The following CUBN variants were observed in gnomAD, a reference collection of about 807,000 sequenced individuals.
CUBN encodes 460 kDa receptor.
Under a neutral mutation model 405.3 loss-of-function variants are expected in CUBN, and 282 were observed. The observed-to-expected ratio is 0.70, with a 90% CI of 0.63 to 0.77. The LOEUF is 0.77. CUBN is among the 30% of genes least tolerant of loss of function. CUBN has a pLI of 0.00. For missense variants in CUBN, 4,514 were observed against 4,475.2 expected (o/e 1.01, Z -0.25); for synonymous variants, 1,684 against 1,617.0 (o/e 1.04, Z -0.99).
intron 59 of CUBN, among the ~76,000 whole-genome samples, chr10:16,860,482 T>C (rs1839982525): frequency 6.6e-6 from 1 of 152,132 alleles, no homozygotes; most frequent in South Asian, 2.1e-4. Context: ...GGCTTCAAAA[T>C]AAAAAAGAGC....
In CUBN at chr10:16,869,551, T is replaced by TG. The variant is rs1840286402; in HGVS notation, c.9454+84dup. 5 of 817,934 alleles carry TG rather than the reference T, an allele frequency of 6.1e-6. No homozygotes were observed. In the African/African-American group the frequency reaches 1.6e-4, roughly 26 times the overall value. 50.7% of individuals were successfully genotyped at this position (817,934 alleles called of 1,614,324 possible). A position where few individuals can be genotyped will look rare whatever the true frequency, so the allele number is the denominator to read the frequency against. On this transcript the variant is annotated intron_variant, in intron 59 of 66. Coordinates refer to ENST00000377833, the MANE Select transcript of CUBN (RefSeq NM_001081.4). ...TCAAGGAAAAGCAATCATAATCAGGTGGGGGTGGGGGGGGGGCGGGGAAAT... is the reference window on the plus strand; with the variant it reads ...TCAAGGAAAAGCAATCATAATCAGGTGGGGGGTGGGGGGGGGGCGGGGAAAT...
chr10:16,900,514 G>A, intron 53 of CUBN, 111 bp downstream of exon 53: 1 of 858,438 alleles, frequency 1.2e-6, no homozygotes, highest in Non-Finnish European at 2.0e-6. Context: ...GATGACATGT[G>A]CAAATATTTA....
intron 31 of CUBN, among the ~76,000 whole-genome samples, chr10:16,963,142 C>T (rs1202293369): frequency 1.4e-5 from 2 of 148,142 alleles, no homozygotes; most frequent in Non-Finnish European, 3.0e-5. Flanking sequence ...TTTCTCATTT[C>T]GTTCCAGAAA....
At chr10:16,978,483 T>A (rs1303512754) in intron 31 of CUBN, among the ~76,000 whole-genome samples, 2 of 152,260 alleles carry the variant, frequency 1.3e-5, no homozygotes, top group African/African-American at 4.8e-5. Context: ...AAGACTCATT[T>A]GGATGGTTAA....
chr10:16,961,633 G>A (rs896556174), intron 31 of CUBN, among the ~76,000 whole-genome samples: 3 of 149,622 alleles, frequency 2.0e-5, no homozygotes, highest in Non-Finnish European at 4.4e-5. Flanking sequence ...TTATAAATAA[G>A]CATTATTTAA....
In CUBN at chr10:16,906,409, A is replaced by C; in HGVS notation, c.7706T>G (p.Val2569Gly). The C allele has an allele frequency of 6.2e-7, 1 of 1,607,782 alleles. No individual in the cohort carries two copies. Among genetic ancestry groups the C allele is most frequent in the Non-Finnish European group, 8.5e-7 (1 of 1,174,238 alleles). Residue 2569 changes from valine (V) to glycine (G), a missense_variant and splice_region_variant, in exon 50 of 67, where the codon GTG becomes GGG. Val to Gly is a moderately radical substitution (Grantham distance 109, BLOSUM62 -3). Transcript: ENST00000377833. ...TASYTSSEDA[V>G]CGGSLPNTPE... is the part of the protein sequence containing the mutation. ...AGTATTTGGAAGAGACCCACCACACACTAAGAAAACAGAAGGCAACAGAGA... is the reference window on the plus strand; with the variant it reads ...AGTATTTGGAAGAGACCCACCACACCCTAAGAAAACAGAAGGCAACAGAGA...
intron 31 of CUBN, among the ~76,000 whole-genome samples, chr10:16,976,224 A>C (rs931127498): frequency 2.0e-5 from 3 of 151,968 alleles, no homozygotes; most frequent in African/African-American, 7.3e-5. Context: ...CTCTTGCCTC[A>C]TGCTCCCAAA....
chr10:17,019,455 T>A (rs977995818), intron 28 of CUBN, among the ~76,000 whole-genome samples: 1 of 152,168 alleles, frequency 6.6e-6, no homozygotes, highest in African/African-American at 2.4e-5. Flanking sequence ...AACGTCAAGG[T>A]GAGCCTTAAG....
chr10:16,920,018 C>T lies in CUBN; in HGVS notation c.6766G>A (p.Glu2256Lys). ...DCIWILAAPP[E>K]TRIQLQFEDR... is the part of the protein sequence containing the mutation. Reference sequence around the variant, plus strand: ...TCAAATTGCAGCTGTATGCGTGTTTCCGGTGGAGCCGCTAAGATCCAAATG... The same window carrying T: ...TCAAATTGCAGCTGTATGCGTGTTTTCGGTGGAGCCGCTAAGATCCAAATG... The change falls in exon 44 of 67, where the codon GAA becomes AAA. Residue 2256 changes from glutamate (E) to lysine (K), a missense_variant. Glu to Lys is a moderately conservative substitution (Grantham distance 56). This residue lies in a region of CUBN where 1,613 missense variants were observed against 1,542.8 expected (regional missense o/e 1.05). Transcript: ENST00000377833. The T allele has an allele frequency of 6.2e-7, 1 of 1,613,918 alleles. No individual in the cohort carries two copies. Among genetic ancestry groups the T allele is most frequent in the Non-Finnish European group, 8.5e-7 (1 of 1,179,974 alleles).
chr10:16,947,143 G>T, intron 36 of CUBN, 92 bp downstream of exon 36: 3 of 1,333,388 alleles, frequency 2.2e-6, no homozygotes, highest in Non-Finnish European at 3.2e-6. Context: ...TAAATTTCAC[G>T]TACACTATGA....
intron 22 of CUBN, among the ~76,000 whole-genome samples, chr10:17,051,986 T>G (rs1014209920): frequency 3.9e-5 from 6 of 151,936 alleles, no homozygotes; most frequent in African/African-American, 1.5e-4. Flanking sequence ...AAACTACACT[T>G]GGACATGTCA....
intron 10 of CUBN, among the ~76,000 whole-genome samples, chr10:17,108,633 G>A (rs1223209080): frequency 6.6e-6 from 1 of 151,814 alleles, no homozygotes; most frequent in African/African-American, 2.4e-5. Flanking sequence ...AACCATAGAA[G>A]TATAAAAGAA....
chr10:17,128,541 C>T (rs1837250812), intron 2 of CUBN, among the ~76,000 whole-genome samples: 1 of 152,190 alleles, frequency 6.6e-6, no homozygotes, highest in South Asian at 2.1e-4. Context: ...TCCACATATC[C>T]TTGGTCCCCT....
intron 65 of CUBN, 87 bp from the exon 66 acceptor site, chr10:16,829,127 T>G: frequency 3.1e-6 from 3 of 952,598 alleles, no homozygotes; most frequent in African/African-American, 1.6e-5. Context: ...TTTATTTTCT[T>G]AAGGTGCTGA....
intron 15 of CUBN, among the ~76,000 whole-genome samples, chr10:17,087,466 C>CTTTTTCT (rs1462450149): frequency 2.5e-5 from 2 of 79,772 alleles, no homozygotes; most frequent in Non-Finnish European, 4.6e-5. Flanking sequence ...TATTATTTTT[C>CTTTTTCT]TTTTTCTTTT....
chr10:16,871,412 CTAAA>C (rs1193937838), intron 58 of CUBN, among the ~76,000 whole-genome samples: 21 of 149,088 alleles, frequency 1.4e-4, no homozygotes, highest in African/African-American at 5.1e-4. Context: ...AAAATATAGA[CTAAA>C]TAATATATAT....
At chr10:16,915,297 A>C in intron 46 of CUBN, 125 bp from the exon 47 acceptor site, 1 of 1,119,540 alleles carries the variant, frequency 8.9e-7, no homozygotes, top group Non-Finnish European at 1.3e-6. Context: ...AAGAAACGTT[A>C]ATCTCTGTCA....
intron 28 of CUBN, among the ~76,000 whole-genome samples, chr10:16,998,202 G>A (rs1253088540): frequency 6.6e-6 from 1 of 151,974 alleles, no homozygotes; most frequent in Non-Finnish European, 1.5e-5. Flanking sequence ...ACCTGTGACT[G>A]TGACCTTTTT....
At chr10:16,946,546 A>C (rs1588507436) in intron 36 of CUBN, among the ~76,000 whole-genome samples, 1 of 130,904 alleles carries the variant, frequency 7.6e-6, no homozygotes, top group Admixed American at 9.0e-5. Context: ...CCCAAGCTGG[A>C]GTGCAGTGGC....
Sources: gnomAD v4.1 joint callset for allele counts (sites outside exome capture counted in the v4.1 genomes callset) on GRCh38, gnomAD v4.1.1 for gene constraint, gnomAD v4.1.1 regional missense constraint, MANE v1.5 for transcripts, NCBI Gene and HGNC (gene_info 2026-07-23, HGNC 2026-07-21) for gene names.